NECAB1: variants seen among roughly 807,000 people sequenced by gnomAD.
NECAB1 encodes the protein N-terminal EF-hand calcium binding protein 1.
In NECAB1, 29 loss-of-function variants were observed where a neutral mutation model predicts 57.5. The ratio of observed to expected loss-of-function variants is 0.50; its 90% CI spans 0.38 to 0.69. The LOEUF (loss-of-function observed/expected upper bound fraction) is 0.69. NECAB1 is among the 30% of genes least tolerant of loss of function. The pLI is 0.00. For missense variants in NECAB1, 372 were observed against 413.8 expected (o/e 0.90, Z 0.88); for synonymous variants, 142 against 147.7 (o/e 0.96, Z 0.28).
intron 5 of NECAB1, among the ~76,000 whole-genome samples, chr8:90,910,713 C>T (rs549325846): frequency 1.3e-4 from 20 of 152,258 alleles, no homozygotes; most frequent in African/African-American, 4.8e-4. Context: ...TTAGGACTTA[C>T]TAAGATTTTT....
chr8:90,900,069 C>T (rs77117758), intron 5 of NECAB1, among the ~76,000 whole-genome samples: 2,459 of 152,200 alleles, frequency 0.016, 73 homozygotes, highest in African/African-American at 0.056. Flanking sequence ...TGAACCTTTC[C>T]CCTGCCTTTC....
chr8:90,807,710 G>A (rs1811875422), intron 2 of NECAB1, among the ~76,000 whole-genome samples: 1 of 152,126 alleles, frequency 6.6e-6, no homozygotes, highest in Non-Finnish European at 1.5e-5. Flanking sequence ...AAACATTTTT[G>A]GGAAAATAAT....
intron 3 of NECAB1, among the ~76,000 whole-genome samples, chr8:90,854,715 C>CT (rs1169351368): frequency 1.3e-5 from 2 of 152,248 alleles, no homozygotes; most frequent in East Asian, 1.9e-4. Flanking sequence ...AGTCTAGAGA[C>CT]TTTTTTTGGG....
At chr8:90,938,561 C>T (rs1270522702) in intron 9 of NECAB1, among the ~76,000 whole-genome samples, 1 of 152,170 alleles carries the variant, frequency 6.6e-6, no homozygotes, top group African/African-American at 2.4e-5. Flanking sequence ...TTCAGAAAAT[C>T]TACTTTAAAT....
At chr8:90,863,296 A>G (rs1347300680) in intron 3 of NECAB1, among the ~76,000 whole-genome samples, 1 of 152,174 alleles carries the variant, frequency 6.6e-6, no homozygotes, top group Non-Finnish European at 1.5e-5. Flanking sequence ...TAGTAGAAAG[A>G]TCAAGCATGC....
intron 5 of NECAB1, among the ~76,000 whole-genome samples, chr8:90,885,859 T>C (rs1217171268): frequency 6.6e-6 from 1 of 152,200 alleles, no homozygotes; most frequent in Non-Finnish European, 1.5e-5. Flanking sequence ...GGCATAAAGA[T>C]TTTTAGCTTC....
At chr8:90,849,415 G>A (rs1812636664) in intron 3 of NECAB1, among the ~76,000 whole-genome samples, 4 of 151,364 alleles carry the variant, frequency 2.6e-5, no homozygotes, top group Admixed American at 2.6e-4. Context: ...ACAGCAATGA[G>A]CTATGATTGG....
rs116087459 is a variant in NECAB1, at chr8:90,848,920, C to T, written c.234-23208C>T. Among the ~76,000 whole-genome samples, 260 of 152,258 alleles carry T rather than the reference C, an allele frequency of 1.7e-3. 1 individual carries two copies. The highest frequency in any genetic ancestry group is 6.0e-3 in the African/African-American group (249 of 41,546). On this transcript the variant is annotated intron_variant, in intron 3 of 12. Coordinates refer to ENST00000417640, the MANE Select transcript of NECAB1 (RefSeq NM_022351.5). Reference sequence around the variant, plus strand: ...GAGCCAAGATCACACCACTGCACTCCGGTCTGTGTGACAAGAGTGAGACTC... The same window carrying T: ...GAGCCAAGATCACACCACTGCACTCTGGTCTGTGTGACAAGAGTGAGACTC...
chr8:90,951,785 G>A (rs1293833211), intron 12 of NECAB1, among the ~76,000 whole-genome samples: 1 of 150,880 alleles, frequency 6.6e-6, no homozygotes, highest in Admixed American at 6.6e-5. Context: ...ACCCAGCTAA[G>A]GGAATAAAAT....
intron 10 of NECAB1, among the ~76,000 whole-genome samples, chr8:90,942,354 G>C (rs1810691516): frequency 6.6e-6 from 1 of 152,188 alleles, no homozygotes. Context: ...TCTAGAGTAT[G>C]AGTACAGTAC....
intron 6 of NECAB1, among the ~76,000 whole-genome samples, chr8:90,917,840 CTATATATATATATA>C (rs34288387): frequency 1.5e-4 from 7 of 47,330 alleles, no homozygotes; most frequent in African/African-American, 5.4e-4. Context: ...ATTTAGTAAA[CTATATATATATATA>C]TATATATATA....
At chr8:90,800,172 T>C (rs148044860) in intron 1 of NECAB1, among the ~76,000 whole-genome samples, 138 of 152,358 alleles carry the variant, frequency 9.1e-4, no homozygotes, top group African/African-American at 2.8e-3. Context: ...TGAAACTTTA[T>C]TGAAGTCGTT....
At chr8:90,799,997 G>C (rs953547922) in intron 1 of NECAB1, among the ~76,000 whole-genome samples, 16 of 152,108 alleles carry the variant, frequency 1.1e-4, no homozygotes, top group Non-Finnish European at 2.1e-4. Context: ...GTGTTTTGTA[G>C]TTCTCCTTGT....
chr8:90,936,802 T>C (rs1009381045), intron 9 of NECAB1, among the ~76,000 whole-genome samples: 8 of 151,848 alleles, frequency 5.3e-5, no homozygotes, highest in Non-Finnish European at 2.9e-5. Flanking sequence ...TTTTTTTAAG[T>C]CCATTTTTTT....
chr8:90,875,283 C>T (rs1465022433), intron 4 of NECAB1, among the ~76,000 whole-genome samples: 1 of 150,850 alleles, frequency 6.6e-6, no homozygotes, highest in Non-Finnish European at 1.5e-5. Context: ...AGATCGAGAC[C>T]ATCCTGGCTA....
rs1010172009 is a variant in NECAB1, at chr8:90,959,166, T to A, written c.*3654T>A. 2 of 446,122 alleles carry A rather than the reference T, an allele frequency of 4.5e-6. No individual in the cohort carries two copies. The highest frequency in any genetic ancestry group is 3.9e-6 in the Non-Finnish European group (1 of 254,490). 27.6% of individuals were successfully genotyped at this position (446,122 alleles called of 1,614,324 possible). On this transcript the variant is annotated 3_prime_UTR_variant, in exon 13 of 13. Transcript: ENST00000417640. ...CATGTTACCATAGAAACTATTAAAGTAACTAGAACTGTCAAATAACAAAAC... is the reference window on the plus strand; with the variant it reads ...CATGTTACCATAGAAACTATTAAAGAAACTAGAACTGTCAAATAACAAAAC...
intron 2 of NECAB1, among the ~76,000 whole-genome samples, chr8:90,820,514 A>G (rs1812127214): frequency 6.6e-6 from 1 of 151,904 alleles, no homozygotes; most frequent in Admixed American, 6.6e-5. Context: ...CTAAAGTAAT[A>G]CATAAGTGAA....
At chr8:90,902,933 A>G (rs1170311043) in intron 5 of NECAB1, among the ~76,000 whole-genome samples, 5 of 152,084 alleles carry the variant, frequency 3.3e-5, no homozygotes, top group Middle Eastern at 3.2e-3. Context: ...TGTTTATACT[A>G]AGAAAAATTA....
At chr8:90,874,730 A>T (rs1012054206) in intron 4 of NECAB1, among the ~76,000 whole-genome samples, 3 of 152,172 alleles carry the variant, frequency 2.0e-5, no homozygotes, top group African/African-American at 7.2e-5. Flanking sequence ...TTTCAATTTG[A>T]ATCCAACCTT....
Sources: allele counts gnomAD v4.1 joint callset (sites outside exome capture counted in the v4.1 genomes callset), GRCh38; gene constraint gnomAD v4.1.1; transcripts MANE v1.5; gene names NCBI Gene and HGNC (gene_info 2026-07-23, HGNC 2026-07-21).